Variants in ANKDD1A observed in about 807,000 individuals in gnomAD.
The protein encoded by ANKDD1A is ankyrin repeat and death domain containing 1A, also known as ankyrin repeat and death domain-containing protein 1A.
In ANKDD1A, 59 loss-of-function variants were observed where a neutral mutation model predicts 63.5. That is an observed-to-expected ratio of 0.93 (90% CI 0.75 to 1.15). The LOEUF (loss-of-function observed/expected upper bound fraction) is 1.15, where lower values mean the gene tolerates loss of function less well. Among genes scored for constraint, ANKDD1A ranks in the 50% most tolerant of loss-of-function variants. The pLI, the probability that ANKDD1A is intolerant of heterozygous loss-of-function variation, is 0.00. For missense variants in ANKDD1A, 632 were observed against 656.4 expected, an observed-to-expected ratio of 0.96 and a Z score of 0.41; for synonymous variants, 266 against 263.9, an observed-to-expected ratio of 1.01 and a Z score of -0.08.
intron 14 of ANKDD1A, chr15:64,950,926 G>A: frequency 7.9e-7 from 1 of 1,269,118 alleles, no homozygotes; most frequent in South Asian, 1.3e-5. Flanking sequence ...TTAGGCAACA[G>A]AGGAAGTAAG....
At position 64,926,913 on chromosome 15, in the gene ANKDD1A, G is replaced by C. The variant is rs1367311766; in HGVS notation, c.484G>C (p.Ala162Pro). ...LDHVDKLGRT[A>P]FHRAAEHGQL... is the part of the protein sequence containing the mutation. ...TCCTCCCGGCCAGCTGGGGAGGACG[G>C]CGTTTCACAGGGCAGCTGAGCACGG... Residue 162 changes from alanine (A) to proline (P), a missense_variant, in exon 6 of 15, where the codon GCG (alanine) becomes CCG (proline). By Grantham distance (27) the Ala-to-Pro change is conservative. Transcript: ENST00000319580. 1.2e-6 allele frequency: 2 copies of C among 1,614,068 alleles called. No individual in the cohort carries two copies. The highest frequency in any genetic ancestry group is 1.7e-6 in the Non-Finnish European group (2 of 1,180,044).
In ANKDD1A at chr15:64,953,869, CTTCTTCA is replaced by C. The variant is rs1566918027; in HGVS notation, c.1484-3228_1484-3222del. On this transcript the variant is annotated intron_variant, in intron 14 of 14. Coordinates refer to ENST00000319580, the MANE Select transcript of ANKDD1A (RefSeq NM_182703.6). ...TTCTTCTTTCCTCTTCTTCCTCTTT[CTTCTTCA>C]TTCTTTCTTCTTCCTCTTTTCTTTC... 3.2e-3 allele frequency among the ~76,000 whole-genome samples: 239 copies of C among 74,424 alleles called. 2 individuals carry two copies. The highest frequency in any genetic ancestry group is 0.017 in the East Asian group (29 of 1,736). The allele number at this position is 74,424 out of a possible 152,430, so 48.8% of individuals were successfully genotyped here. A position where few individuals can be genotyped will look rare whatever the true frequency, so the allele number is the denominator to read the frequency against.
intron 3 of ANKDD1A, among the ~76,000 whole-genome samples, chr15:64,918,669 GT>G (rs1167646845): frequency 6.6e-6 from 1 of 152,092 alleles, no homozygotes; most frequent in East Asian, 1.9e-4. Context: ...ATCCCTCCTT[GT>G]TGGCCAGGTG....
intron 14 of ANKDD1A, chr15:64,950,906 G>A (rs1400958041): frequency 8.0e-7 from 1 of 1,246,906 alleles, no homozygotes; most frequent in South Asian, 1.3e-5. Flanking sequence ...CCAGTCCTGT[G>A]AGGCAGAGCT....
intron 9 of ANKDD1A, among the ~76,000 whole-genome samples, chr15:64,936,710 G>A (rs1225063178): frequency 1.3e-5 from 2 of 152,064 alleles, no homozygotes; most frequent in Non-Finnish European, 2.9e-5. Context: ...TATGGTGGTG[G>A]GTACCTGCCT....
chr15:64,933,107 T>G (rs937583979), intron 8 of ANKDD1A, among the ~76,000 whole-genome samples: 6 of 151,948 alleles, frequency 3.9e-5, no homozygotes, highest in Non-Finnish European at 4.4e-5. Context: ...CCTCTCAGAA[T>G]GTCATGCCAC....
intron 9 of ANKDD1A, 90 bp downstream of exon 9, chr15:64,934,324 G>A (rs2085111009): frequency 2.4e-6 from 3 of 1,269,296 alleles, no homozygotes; most frequent in East Asian, 2.5e-5. Flanking sequence ...AGGCACATCG[G>A]ATCCTTGGGG....
At chr15:64,942,671 A>AATTT in intron 10 of ANKDD1A, 106 bp downstream of exon 10, 1 of 529,234 alleles carries the variant, frequency 1.9e-6, no homozygotes, top group Non-Finnish European at 2.8e-6. Flanking sequence ...TTGAGGAATC[A>AATTT]CTTTTTTTTT....
At chr15:64,953,608 T>TC (rs2085349280) in intron 14 of ANKDD1A, among the ~76,000 whole-genome samples, 2 of 21,512 alleles carry the variant, frequency 9.3e-5, no homozygotes, top group Admixed American at 6.0e-4. Flanking sequence ...TTCTTCTTTC[T>TC]TCTCTCCTTC....
intron 1 of ANKDD1A, among the ~76,000 whole-genome samples, chr15:64,913,874 A>G (rs563370093): frequency 6.6e-6 from 1 of 152,214 alleles, no homozygotes; most frequent in Non-Finnish European, 1.5e-5. Context: ...GGAAAGGGCC[A>G]GCAAATATTT....
At chr15:64,950,723 A>AGGGGGGGG in intron 14 of ANKDD1A, 1 of 919,588 alleles carries the variant, frequency 1.1e-6, no homozygotes, top group Non-Finnish European at 1.3e-6. Flanking sequence ...GGGAAAAGAA[A>AGGGGGGGG]GGACCGCCCC....
At chr15:64,942,130 G>A (rs377046324) in intron 9 of ANKDD1A, among the ~76,000 whole-genome samples, 2 of 152,084 alleles carry the variant, frequency 1.3e-5, no homozygotes, top group African/African-American at 2.4e-5. Flanking sequence ...GAATCTTAAG[G>A]TATTGTTGCT....
At chr15:64,943,746 C>T in intron 11 of ANKDD1A, 164 bp downstream of exon 11, 2 of 650,994 alleles carry the variant, frequency 3.1e-6, no homozygotes, top group South Asian at 1.8e-5. Context: ...CCTTCCTGAC[C>T]TTCCACCACC....
chr15:64,938,018 C>CGT, intron 9 of ANKDD1A, among the ~76,000 whole-genome samples: 1 of 152,094 alleles, frequency 6.6e-6, no homozygotes, highest in Admixed American at 6.6e-5. Flanking sequence ...CCAGAGAGAG[C>CGT]TCCCAATGGT....
At chr15:64,925,025 G>A (rs919747128) in intron 4 of ANKDD1A, among the ~76,000 whole-genome samples, 3 of 151,792 alleles carry the variant, frequency 2.0e-5, no homozygotes, top group South Asian at 2.1e-4. Flanking sequence ...TCGGGAGTTC[G>A]AAACCAGCCT....
At chr15:64,930,664 A>G (rs1485392929) in intron 6 of ANKDD1A, among the ~76,000 whole-genome samples, 158 bp from the exon 7 acceptor site, 5 of 152,240 alleles carry the variant, frequency 3.3e-5, no homozygotes, top group African/African-American at 7.2e-5. Flanking sequence ...AAGAAAGACC[A>G]GGGCTTGGCC....
chr15:64,949,569 G>GT (rs1454194029), intron 13 of ANKDD1A, among the ~76,000 whole-genome samples: 23 of 152,232 alleles, frequency 1.5e-4, no homozygotes, highest in African/African-American at 5.5e-4. Context: ...AGAGTGCATA[G>GT]TGGGTGTTCA....
At chr15:64,914,572 G>T (rs1440240729) in intron 1 of ANKDD1A, among the ~76,000 whole-genome samples, 2 of 152,248 alleles carry the variant, frequency 1.3e-5, no homozygotes. Context: ...GGGATTGCAC[G>T]CATGAGCCAC....
chr15:64,931,235 C>T (rs577290981), intron 7 of ANKDD1A, among the ~76,000 whole-genome samples: 2 of 152,200 alleles, frequency 1.3e-5, no homozygotes, highest in East Asian at 1.9e-4. Context: ...ACAGCCTGAC[C>T]GGGGCAGAAC....
Sources: allele counts gnomAD v4.1 joint callset (sites outside exome capture counted in the v4.1 genomes callset), GRCh38; gene constraint gnomAD v4.1.1; transcripts MANE v1.5; gene names NCBI Gene and HGNC (gene_info 2026-07-23, HGNC 2026-07-21).